The following HERC2 variants were observed in gnomAD, a reference collection of about 807,000 sequenced individuals.
HERC2 encodes the protein HECT and RLD domain containing E3 ubiquitin protein ligase 2, also known as E3 ubiquitin-protein ligase HERC2.
Under a neutral mutation model 537.7 loss-of-function variants are expected in HERC2, and 102 were observed. The ratio of observed to expected loss-of-function variants is 0.19; its 90% CI spans 0.16 to 0.22. HERC2 has a LOEUF of 0.22. Ranked by LOEUF, HERC2 falls within the 10% of genes least tolerant of loss-of-function variation. HERC2 has a pLI of 1.00. For missense variants in HERC2, 4,236 were observed against 6,198.2 expected (o/e 0.68, Z 10.63); for synonymous variants, 2,224 against 2,466.2 (o/e 0.90, Z 2.91).
In HERC2 at chr15:28,131,835, G is replaced by A. The variant is rs116263822; in HGVS notation, c.12570+265C>T. On this transcript the variant is annotated intron_variant, in intron 81 of 92. Transcript: ENST00000261609. ...CATGCTATAAACCAGGAGGCTCCAC[G>A]GTGCCCGGATGATCCCATCCACTTC... 5.8e-3 allele frequency among the ~76,000 whole-genome samples: 883 copies of A among 152,274 alleles called. 10 individuals are homozygous for A. The highest frequency in any genetic ancestry group is 0.02 in the African/African-American group (834 of 41,540).
chr15:28,130,457 T>G (rs1889990140), intron 82 of HERC2, 46 bp downstream of exon 82: 1 of 1,591,774 alleles, frequency 6.3e-7, no homozygotes, highest in African/African-American at 1.3e-5. Context: ...CATACCCCAA[T>G]AAAAATCTGG....
At chr15:28,131,068 T>G (rs547685881) in intron 81 of HERC2, among the ~76,000 whole-genome samples, 17 of 152,296 alleles carry the variant, frequency 1.1e-4, no homozygotes, top group African/African-American at 3.6e-4. Context: ...CAGCCAACTT[T>G]CCCTATCCCA....
chr15:28,274,618 G>C (rs559322465), intron 6 of HERC2, among the ~76,000 whole-genome samples, 171 bp from the exon 7 acceptor site: 1 of 152,324 alleles, frequency 6.6e-6, no homozygotes, highest in East Asian at 1.9e-4. Context: ...GCTGTCACAT[G>C]AGCAATACAC....
intron 69 of HERC2, among the ~76,000 whole-genome samples, chr15:28,159,674 C>T (rs577926847): frequency 2.2e-4 from 33 of 151,952 alleles, no homozygotes; most frequent in East Asian, 9.6e-4. Flanking sequence ...GCAATGGGTT[C>T]GAACTTCCTC....
intron 64 of HERC2, among the ~76,000 whole-genome samples, chr15:28,175,058 C>T (rs1895126136): frequency 6.6e-6 from 1 of 151,720 alleles, no homozygotes; most frequent in Non-Finnish European, 1.5e-5. Flanking sequence ...AATTTTGTTT[C>T]CATAAATAAA....
chr15:28,241,568 T>A (rs1378467455), intron 23 of HERC2, among the ~76,000 whole-genome samples: 1 of 152,166 alleles, frequency 6.6e-6, no homozygotes, highest in Non-Finnish European at 1.5e-5. Context: ...CCTCCCGTAA[T>A]CCCATCACTT....
chr15:28,151,036 T>C (rs537746287), intron 70 of HERC2, among the ~76,000 whole-genome samples: 2 of 152,216 alleles, frequency 1.3e-5, no homozygotes, highest in African/African-American at 2.4e-5. Flanking sequence ...ACAGCTATTA[T>C]GCTCTTGTAG....
intron 7 of HERC2, among the ~76,000 whole-genome samples, chr15:28,273,592 G>A (rs926851802): frequency 2.0e-5 from 3 of 152,148 alleles, no homozygotes; most frequent in East Asian, 1.9e-4. Context: ...GGCCTCCAGC[G>A]TTAAAACTCT....
At chr15:28,164,609 A>T (rs1368123588) in intron 68 of HERC2, among the ~76,000 whole-genome samples, 1 of 152,180 alleles carries the variant, frequency 6.6e-6, no homozygotes, top group Non-Finnish European at 1.5e-5. Context: ...AGAATTGCTA[A>T]GGAAGAAAAT....
intron 16 of HERC2, among the ~76,000 whole-genome samples, chr15:28,258,283 A>T (rs1051942316): frequency 6.6e-6 from 1 of 152,166 alleles, no homozygotes; most frequent in African/African-American, 2.4e-5. Context: ...CAACCTGGCC[A>T]ACATGGAGAA....
At chr15:28,259,798 G>GA (rs80345552) in intron 16 of HERC2, among the ~76,000 whole-genome samples, 99 of 133,386 alleles carry the variant, frequency 7.4e-4, no homozygotes, top group Admixed American at 2.4e-3. Context: ...CCACTAAAAA[G>GA]AAAAAAAAAA....
At chr15:28,207,951 A>G (rs988413758) in intron 44 of HERC2, among the ~76,000 whole-genome samples, 10 of 152,086 alleles carry the variant, frequency 6.6e-5, no homozygotes, top group Non-Finnish European at 1.2e-4. Context: ...AGTTTTGTCA[A>G]TCTAGCTCTG....
At chr15:28,273,253 G>A (rs2075787904) in intron 7 of HERC2, 1 of 545,826 alleles carries the variant, frequency 1.8e-6, no homozygotes, top group Non-Finnish European at 3.2e-6. Flanking sequence ...CATACTCCAT[G>A]TATATGAAGC....
Position 28,215,716 on chromosome 15 carries a change from C to G in HERC2, c.6115G>C (p.Val2039Leu), listed in dbSNP as rs1378157705. ...TGCGGGGAGCTGAGGGCGCCGCATA[C>G]CTGCGGCGTGAGAGCGATGCTCCGC... ...FVRSIALTPQVCGALSSPQWI... is the reference protein window; with the variant it reads ...FVRSIALTPQLCGALSSPQWI... Residue 2039 changes from valine (V) to leucine (L), a missense_variant, in exon 39 of 93, where the codon GTA becomes CTA. Val to Leu is a conservative substitution (Grantham distance 32, BLOSUM62 1). Coordinates refer to ENST00000261609, the MANE Select transcript of HERC2 (RefSeq NM_004667.6). 2 of 1,611,758 alleles carry G rather than the reference C, an allele frequency of 1.2e-6. No individual in the cohort carries two copies. Among genetic ancestry groups the G allele is most frequent in the Non-Finnish European group, 1.7e-6 (2 of 1,179,604 alleles).
intron 68 of HERC2, among the ~76,000 whole-genome samples, chr15:28,167,054 A>G (rs1342314705): frequency 2.0e-5 from 3 of 152,222 alleles, no homozygotes; most frequent in African/African-American, 4.8e-5. Context: ...TGTGACAACC[A>G]CCACAGTAAT....
At chr15:28,158,376 T>C (rs1893229275) in intron 69 of HERC2, among the ~76,000 whole-genome samples, 1 of 152,202 alleles carries the variant, frequency 6.6e-6, no homozygotes, top group South Asian at 2.1e-4. Context: ...AGTCGAAGTC[T>C]CTTTGTGGGT....
At chr15:28,216,282 C>A (rs1009049416) in intron 38 of HERC2, among the ~76,000 whole-genome samples, 1 of 151,836 alleles carries the variant, frequency 6.6e-6, no homozygotes, top group African/African-American at 2.4e-5. Flanking sequence ...TCTCCACAAT[C>A]TTGCTTATAT....
chr15:28,320,110 A>G (rs1457070756), intron 2 of HERC2: 3 of 151,332 alleles, frequency 2.0e-5, no homozygotes, highest in Admixed American at 2.0e-4. Context: ...CAATCCCATC[A>G]TCCACAACAG....
intron 85 of HERC2, among the ~76,000 whole-genome samples, chr15:28,121,719 A>C (rs1455522853): frequency 1.3e-5 from 2 of 152,186 alleles, no homozygotes; most frequent in Non-Finnish European, 2.9e-5. Context: ...CAGCACACAC[A>C]GGGCACAGAA....
Sources: gnomAD v4.1 joint callset for allele counts (sites outside exome capture counted in the v4.1 genomes callset) on GRCh38, gnomAD v4.1.1 for gene constraint, MANE v1.5 for transcripts, NCBI Gene and HGNC (gene_info 2026-07-23, HGNC 2026-07-21) for gene names.